The following ATF3 variants were observed in gnomAD, a reference collection of about 807,000 sequenced individuals.
ATF3 encodes activating transcription factor 3.
Under a neutral mutation model 18.4 loss-of-function variants are expected in ATF3, and 10 were observed. The observed-to-expected ratio is 0.54, with a 90% CI of 0.34 to 0.92. ATF3 has a LOEUF of 0.92. ATF3 is among the 40% of genes least tolerant of loss of function. The pLI is 0.02. For synonymous variants in ATF3, 78 were observed against 87.9 expected (o/e 0.89, Z 0.63); for missense variants, 183 against 222.3 (o/e 0.82, Z 1.12).
intron 1 of ATF3, among the ~76,000 whole-genome samples, chr1:212,583,553 G>A (rs1490928514): frequency 6.6e-6 from 1 of 151,132 alleles, no homozygotes; most frequent in Admixed American, 6.6e-5. Flanking sequence ...TACAGGGCAA[G>A]AGGAGGGAAT....
At chr1:212,572,078 G>T (rs909122939) in intron 1 of ATF3, among the ~76,000 whole-genome samples, 1 of 152,136 alleles carries the variant, frequency 6.6e-6, no homozygotes, top group Admixed American at 6.5e-5. Context: ...TATGTACAGT[G>T]GTCTCAGAAT....
rs983875561 is a variant in ATF3, at chr1:212,619,211, T to G, written c.349-147T>G. 2.5e-6 allele frequency: 4 copies of G among 1,610,634 alleles called. No homozygotes were observed. The African/African-American group carries it at 5.3e-5, about 22-fold the overall frequency. ...GTCTGCATTTTCCTAAACCCAGTGC[T>G]GCTCTCCCATCTCCCATCTTCCTCT... On this transcript the variant is annotated intron_variant, in intron 3 of 3. Coordinates refer to ENST00000341491, the MANE Select transcript of ATF3 (RefSeq NM_001674.4). This position sits in a 1 kb window ranked among gnomAD's most constrained non-coding sequence, Gnocchi z 4.4.
Position 212,618,860 on chromosome 1 carries a change from G to A in ATF3, c.349-498G>A. Reference sequence around the variant, plus strand: ...GTGTCCCTCCTCCAAATGTGGACAGGCCATGACAGAGTCTTAGCCCAAGTC... The same window carrying A: ...GTGTCCCTCCTCCAAATGTGGACAGACCATGACAGAGTCTTAGCCCAAGTC... On this transcript the variant is annotated intron_variant, in intron 3 of 3. Coordinates refer to ENST00000341491, the MANE Select transcript of ATF3 (RefSeq NM_001674.4). This position sits in a 1 kb window ranked among gnomAD's most constrained non-coding sequence, Gnocchi z 4.4. 1 of 726,266 alleles carries A rather than the reference G, an allele frequency of 1.4e-6. No homozygotes were observed. 45.0% of individuals were successfully genotyped at this position (726,266 alleles called of 1,614,324 possible).
At chr1:212,605,686 C>T (rs1192969375), upstream of ATF3, among the ~76,000 whole-genome samples, 2 of 152,260 alleles carry the variant, frequency 1.3e-5, no homozygotes, top group Non-Finnish European at 2.9e-5. Flanking sequence ...GATTTGGTTG[C>T]CACGAGTGGG....
In ATF3 at chr1:212,598,404, G is replaced by A. The variant is rs1654379258; in HGVS notation, c.-4-16614G>A. Among the ~76,000 whole-genome samples, 5 of 152,218 alleles carry A rather than the reference G, an allele frequency of 3.3e-5. No homozygotes were observed. In the South Asian group the frequency reaches 1.0e-3, roughly 32 times the overall value. ...TACTTTGATACAGGCATGCAAGATGGAATAATCACATCTTGGGAAATGGGG... is the reference window on the plus strand; with the variant it reads ...TACTTTGATACAGGCATGCAAGATGAAATAATCACATCTTGGGAAATGGGG... On this transcript the variant is annotated intron_variant, in intron 1 of 3. Transcript: ENST00000366981.
At position 212,615,187 on chromosome 1, in the gene ATF3, C is replaced by T. The variant is rs746251239; in HGVS notation, c.166C>T (p.His56Tyr). Reference sequence around the variant, plus strand: ...TGCCATCCAGAACAAGCACCTCTGCCACCGGATGTCCTCTGCGCTGGAATC... The same window carrying T: ...TGCCATCCAGAACAAGCACCTCTGCTACCGGATGTCCTCTGCGCTGGAATC... ...RFAIQNKHLCHRMSSALESVT... is the reference protein window; with the variant it reads ...RFAIQNKHLCYRMSSALESVT... Residue 56 changes from histidine (H) to tyrosine (Y), a missense_variant, in exon 2 of 4, where the codon CAC (histidine) becomes TAC (tyrosine). Transcript: ENST00000341491. 6.2e-7 allele frequency: 1 copy of T among 1,614,186 alleles called. No homozygotes were observed. The highest frequency in any genetic ancestry group is 2.2e-5 in the East Asian group (1 of 44,884).
intron 1 of ATF3, among the ~76,000 whole-genome samples, chr1:212,603,670 T>C (rs1054520646): frequency 6.6e-6 from 1 of 152,188 alleles, no homozygotes; most frequent in African/African-American, 2.4e-5. Flanking sequence ...TGGCAAGTTA[T>C]GGTAATAAGA....
rs140595318 is a variant in ATF3 at position 212,615,081 on chromosome 1, C to T, written c.60C>T (p.Val20=). The T allele has an allele frequency of 6.2e-7, 1 of 1,614,182 alleles. No individual in the cohort carries two copies. Among genetic ancestry groups the T allele is most frequent in the South Asian group, 1.1e-5 (1 of 91,080 alleles). The change falls in exon 2 of 4, where the codon GTC becomes GTT. Residue 20 remains valine, a synonymous_variant. Transcript: ENST00000341491. ...SASEVSASAI[V]PCLSPPGSLV... ...CGGAAGTGAGTGCTTCTGCCATCGT[C>T]CCCTGCCTGTCCCCTCCTGGGTCAC...
At chr1:212,589,146 G>A (rs1371024157) in intron 1 of ATF3, among the ~76,000 whole-genome samples, 1 of 152,132 alleles carries the variant, frequency 6.6e-6, no homozygotes, top group African/African-American at 2.4e-5. Flanking sequence ...GTGGAGAAAT[G>A]TGATCCTAGC....
chr1:212,571,981 G>A (rs1410048359), intron 1 of ATF3, among the ~76,000 whole-genome samples: 2 of 151,876 alleles, frequency 1.3e-5, no homozygotes, highest in Non-Finnish European at 1.5e-5. Flanking sequence ...CAAAGTGCTG[G>A]GATTACAGGC....
chr1:212,594,769 G>A (rs1266344146), intron 1 of ATF3, among the ~76,000 whole-genome samples: 3 of 152,228 alleles, frequency 2.0e-5, no homozygotes, highest in African/African-American at 7.2e-5. Context: ...ATGCAGAGGA[G>A]CTAATGGGTG....
chr1:212,588,205 C>T (rs1208560942), intron 1 of ATF3, among the ~76,000 whole-genome samples: 5 of 152,112 alleles, frequency 3.3e-5, no homozygotes, highest in Non-Finnish European at 7.4e-5. Context: ...CTAGGAGACT[C>T]CCGGCAGGGT....
chr1:212,590,829 G>A (rs960830559), intron 1 of ATF3, among the ~76,000 whole-genome samples: 1 of 152,156 alleles, frequency 6.6e-6, no homozygotes, highest in Non-Finnish European at 1.5e-5. Context: ...GCAGCATTAG[G>A]GAAGCAGGAT....
rs1408520364 is a variant in ATF3 at position 212,618,693 on chromosome 1, AC to A, written c.348+460del. The A allele has an allele frequency of 9.1e-6, 4 of 437,834 alleles. No individual in the cohort carries two copies. The highest frequency in any genetic ancestry group is 1.7e-5 in the Non-Finnish European group (4 of 237,844). 27.1% of individuals were successfully genotyped at this position (437,834 alleles called of 1,614,324 possible). A position where few individuals can be genotyped will look rare whatever the true frequency, so the allele number is the denominator to read the frequency against. On this transcript the variant is annotated intron_variant, in intron 3 of 3. Transcript: ENST00000341491. The surrounding 1 kb of genome is among the most constrained non-coding windows in gnomAD (Gnocchi z 4.4). ...GCTTTGCATTCTTGTCTGGTTCCTA[AC>A]TCTAGAGCCCTTCTCCCTGGCTTAG...
intron 1 of ATF3, among the ~76,000 whole-genome samples, chr1:212,566,237 CAT>C (rs1024030557): frequency 8.5e-5 from 13 of 152,158 alleles, no homozygotes; most frequent in East Asian, 1.9e-4. Flanking sequence ...TCTGTAAAAA[CAT>C]GTGCACTTGG....
chr1:212,577,270 T>A (rs918780269), intron 1 of ATF3, among the ~76,000 whole-genome samples: 21 of 152,194 alleles, frequency 1.4e-4, no homozygotes, highest in African/African-American at 5.1e-4. Flanking sequence ...TTTATCTCTT[T>A]AACCTTTTTT....
Position 212,619,237 on chromosome 1 carries a change from C to A in ATF3, c.349-121C>A. 6.2e-6 allele frequency: 10 copies of A among 1,610,272 alleles called. No individual in the cohort carries two copies. The highest frequency in any genetic ancestry group is 7.6e-6 in the Non-Finnish European group (9 of 1,179,048). ...GCTCTCCCATCTCCCATCTTCCTCT[C>A]GCAGCTTGATGAGCCCCGGTGTGTC... On this transcript the variant is annotated intron_variant, in intron 3 of 3. Coordinates refer to ENST00000341491, the MANE Select transcript of ATF3 (RefSeq NM_001674.4). This position sits in a 1 kb window ranked among gnomAD's most constrained non-coding sequence, Gnocchi z 4.4.
rs866218438 is a variant in ATF3, at chr1:212,609,378, G to T, written c.-5+448G>T. Among the ~76,000 whole-genome samples, 1,141 of 145,810 alleles carry T rather than the reference G, an allele frequency of 7.8e-3. 31 individuals carry two copies. Among genetic ancestry groups the T allele is most frequent in the African/African-American group, 0.028 (1,070 of 38,206 alleles). On this transcript the variant is annotated intron_variant, in intron 1 of 3. Coordinates refer to ENST00000341491, the MANE Select transcript of ATF3 (RefSeq NM_001674.4). ...GTGGGAGCCGATCCTTCCCGGGTGG[G>T]GGGGGGGGGGCGCAGAGAGGCACGA...
chr1:212,576,222 C>T (rs1664573823), intron 1 of ATF3, among the ~76,000 whole-genome samples: 1 of 151,848 alleles, frequency 6.6e-6, no homozygotes, highest in Admixed American at 6.6e-5. Flanking sequence ...TCCTAAGTTT[C>T]CATATTTATT....
Sources: gnomAD v4.1 joint callset for allele counts (sites outside exome capture counted in the v4.1 genomes callset) on GRCh38, gnomAD v4.1.1 for gene constraint, Gnocchi (gnomAD v3.1) non-coding constraint, MANE v1.5 for transcripts, NCBI Gene and HGNC (gene_info 2026-07-23, HGNC 2026-07-21) for gene names.